Variants in GMPS observed in about 807,000 individuals in gnomAD.
GMPS encodes guanosine monophosphate synthase, also known as GMP synthase [glutamine-hydrolyzing].
Under a neutral mutation model 77.9 loss-of-function variants are expected in GMPS, and 15 were observed. The ratio of observed to expected loss-of-function variants is 0.19; its 90% confidence interval spans 0.13 to 0.30. The LOEUF (loss-of-function observed/expected upper bound fraction) is 0.30. GMPS is among the 10% of genes least tolerant of loss of function. GMPS has a pLI of 1.00. For synonymous variants in GMPS, 224 were observed against 275.9 expected (o/e 0.81, Z 1.86); for missense variants, 590 against 838.8 (o/e 0.70, Z 3.66).
At chr3:155,909,543 T>G (rs1754977824) in intron 5 of GMPS, among the ~76,000 whole-genome samples, 1 of 152,226 alleles carries the variant, frequency 6.6e-6, no homozygotes, top group South Asian at 2.1e-4. Context: ...TTAATTGCTG[T>G]GTCAAGAAAG....
At chr3:155,898,798 C>A (rs1754661675) in intron 3 of GMPS, among the ~76,000 whole-genome samples, 1 of 152,176 alleles carries the variant, frequency 6.6e-6, no homozygotes, top group Admixed American at 6.5e-5. Context: ...CTTCTCAGAG[C>A]ATCTTATCAG....
intron 5 of GMPS, among the ~76,000 whole-genome samples, chr3:155,907,648 A>C (rs1469739202): frequency 6.6e-6 from 1 of 152,200 alleles, no homozygotes. Flanking sequence ...ACACTGGAAA[A>C]AGGGAAAGTA....
intron 12 of GMPS, among the ~76,000 whole-genome samples, chr3:155,930,581 A>C: frequency 6.6e-6 from 1 of 152,104 alleles, no homozygotes; most frequent in Non-Finnish European, 1.5e-5. Context: ...GCAACCTACA[A>C]AATGGAAGAA....
intron 9 of GMPS, among the ~76,000 whole-genome samples, chr3:155,918,477 T>TC (rs1297467723): frequency 1.3e-5 from 2 of 152,124 alleles, no homozygotes; most frequent in African/African-American, 4.8e-5. Flanking sequence ...AAAATGTTAG[T>TC]CATCCTAGTG....
intron 1 of GMPS, among the ~76,000 whole-genome samples, chr3:155,876,258 C>T (rs76668045): frequency 6.6e-6 from 1 of 152,194 alleles, no homozygotes; most frequent in Admixed American, 6.5e-5. Flanking sequence ...GGGAGGTACA[C>T]TGAGTAGCCG....
intron 11 of GMPS, 85 bp from the exon 12 acceptor site, chr3:155,925,156 A>G (rs1260498239): frequency 1.6e-6 from 2 of 1,239,964 alleles, no homozygotes; most frequent in Non-Finnish European, 2.3e-6. Context: ...AAAAACCAGT[A>G]AAATACATAA....
chr3:155,873,516 C>T (rs903139532), intron 1 of GMPS, among the ~76,000 whole-genome samples: 3 of 151,964 alleles, frequency 2.0e-5, no homozygotes, highest in African/African-American at 7.3e-5. Flanking sequence ...CCCACTTTAG[C>T]GTCCCAAAGT....
At chr3:155,935,655 G>A (rs1033569596) in intron 14 of GMPS, among the ~76,000 whole-genome samples, 6 of 152,166 alleles carry the variant, frequency 3.9e-5, no homozygotes, top group African/African-American at 1.4e-4. Flanking sequence ...CTCATAATGT[G>A]AACAAGTCTT....
At chr3:155,880,542 A>C (rs1754186805) in intron 1 of GMPS, among the ~76,000 whole-genome samples, 1 of 152,202 alleles carries the variant, frequency 6.6e-6, no homozygotes, top group African/African-American at 2.4e-5. Flanking sequence ...ATAGATCTTT[A>C]AGTATGTAGT....
At chr3:155,877,081 C>A (rs190572193) in intron 1 of GMPS, among the ~76,000 whole-genome samples, 1 of 152,114 alleles carries the variant, frequency 6.6e-6, no homozygotes, top group African/African-American at 2.4e-5. Context: ...ATTTGGAGAA[C>A]GAGTCTCAGT....
intron 1 of GMPS, 93 bp downstream of exon 1, chr3:155,870,990 C>T (rs1577492669): frequency 8.5e-7 from 1 of 1,180,382 alleles, no homozygotes; most frequent in Non-Finnish European, 1.1e-6. Context: ...CCACCCCCTT[C>T]CCCCAGCCCG....
intron 1 of GMPS, among the ~76,000 whole-genome samples, chr3:155,877,306 A>G (rs902923595): frequency 5.9e-5 from 9 of 152,206 alleles, no homozygotes; most frequent in African/African-American, 9.6e-5. Context: ...AATTTTAGTC[A>G]ACATCCATGT....
rs148968392 is a variant in GMPS, at chr3:155,909,025, T to C, written c.527-1667T>C. Among the ~76,000 whole-genome samples, 4 of 152,214 alleles carry C rather than the reference T, an allele frequency of 2.6e-5. No homozygotes were observed. In the East Asian group the frequency reaches 7.7e-4, roughly 29 times the overall value. ...AACCAGCAAAGAGATTCAGAAGGAA[T>C]AGACAGTAAAATAAGTGAACCAAGA... On this transcript the variant is annotated intron_variant, in intron 5 of 15. Coordinates refer to ENST00000496455, the MANE Select transcript of GMPS (RefSeq NM_003875.3).
At chr3:155,912,847 G>A (rs1012847211) in intron 7 of GMPS, among the ~76,000 whole-genome samples, 1 of 152,146 alleles carries the variant, frequency 6.6e-6, no homozygotes, top group African/African-American at 2.4e-5. Context: ...GGAATTTGAA[G>A]CATTGGGTTC....
rs76268634 is a variant in GMPS, at chr3:155,921,377, A to G, written c.1319-810A>G. On this transcript the variant is annotated intron_variant, in intron 10 of 15. Coordinates refer to ENST00000496455, the MANE Select transcript of GMPS (RefSeq NM_003875.3). Reference sequence around the variant, plus strand: ...TTAGATTGATAGTTGAAGCTGGATGATAAGTAAGGTAGTTAATTATACTGT... The same window carrying G: ...TTAGATTGATAGTTGAAGCTGGATGGTAAGTAAGGTAGTTAATTATACTGT... Among the ~76,000 whole-genome samples the G allele has an allele frequency of 3.3e-3, 506 of 152,346 alleles. 10 individuals carry two copies. In the East Asian group the frequency reaches 0.046, roughly 14 times the overall value.
At chr3:155,879,900 C>T (rs1019526375) in intron 1 of GMPS, among the ~76,000 whole-genome samples, 1 of 150,174 alleles carries the variant, frequency 6.7e-6, no homozygotes. Flanking sequence ...CCAGCTAATT[C>T]TTTTGCCCAT....
rs537221254 is a variant in GMPS, at chr3:155,920,232, A to G, written c.1318+894A>G. Among the ~76,000 whole-genome samples the G allele has an allele frequency of 1.7e-4, 26 of 152,318 alleles. 1 individual carries two copies. Among genetic ancestry groups the G allele is most frequent in the African/African-American group, 4.3e-4 (18 of 41,568 alleles). ...CCCAATAATTTTTATCTCAGAGTTT[A>G]TACTCTTAATGATCATATTGGCTCC... On this transcript the variant is annotated intron_variant, in intron 10 of 15. Coordinates refer to ENST00000496455, the MANE Select transcript of GMPS (RefSeq NM_003875.3).
rs187935231 is a variant in GMPS at position 155,914,838 on chromosome 3, G to C, written c.1038+268G>C. Reference sequence around the variant, plus strand: ...GGCTGGAGTGCAGTTGCACGATCTCGGCTCGCTGCAACCTCTGCCTTCTGG... The same window carrying C: ...GGCTGGAGTGCAGTTGCACGATCTCCGCTCGCTGCAACCTCTGCCTTCTGG... On this transcript the variant is annotated intron_variant, in intron 8 of 15. Coordinates refer to ENST00000496455, the MANE Select transcript of GMPS (RefSeq NM_003875.3). Among the ~76,000 whole-genome samples, 4 of 151,632 alleles carry C rather than the reference G, an allele frequency of 2.6e-5. No homozygotes were observed. In the South Asian group the frequency reaches 8.3e-4, roughly 32 times the overall value.
intron 9 of GMPS, among the ~76,000 whole-genome samples, chr3:155,918,416 C>T (rs762210773): frequency 1.3e-5 from 2 of 152,192 alleles, no homozygotes; most frequent in Non-Finnish European, 1.5e-5. Flanking sequence ...TATGCCACTG[C>T]ACTCCCGCCT....
Sources: gnomAD v4.1 joint callset for allele counts (sites outside exome capture counted in the v4.1 genomes callset) on GRCh38, gnomAD v4.1.1 for gene constraint, MANE v1.5 for transcripts, NCBI Gene and HGNC (gene_info 2026-07-23, HGNC 2026-07-21) for gene names.